Variants in PAN3 observed in about 807,000 individuals in gnomAD.
PAN3 encodes poly(A) specific ribonuclease subunit PAN3.
A neutral mutation model predicts 96.2 loss-of-function variants in PAN3; 19 were observed. That is an observed-to-expected ratio of 0.20 (90% CI 0.14 to 0.29). The LOEUF is 0.29. Among genes scored for constraint, PAN3 ranks in the 10% least tolerant of loss-of-function variants. The pLI, the probability that PAN3 is intolerant of heterozygous loss-of-function variation, is 1.00. For synonymous variants in PAN3, 433 were observed against 406.6 expected (o/e 1.06, Z -0.78); for missense variants, 882 against 1,108.1 (o/e 0.80, Z 2.90).
At position 28,280,556 on chromosome 13, in the gene PAN3, T is replaced by TTA; in HGVS notation, c.2319+16_2319+17insAT. 3 of 235,848 alleles carry TTA rather than the reference T, an allele frequency of 1.3e-5. No homozygotes were observed. The South Asian group carries it at 1.8e-4, about 14-fold the overall frequency. The allele number at this position is 235,848 out of a possible 1,614,324, so 14.6% of individuals were successfully genotyped here. A position where few individuals can be genotyped will look rare whatever the true frequency, so the allele number is the denominator to read the frequency against. On this transcript the variant is annotated intron_variant, in intron 16 of 18. Transcript: ENST00000380958. ...ACCTTGCAAAGGTAAAGAGTGTAAA[T>TTA]TTTTTTTTTTTTTTTTTTTTTTTGA...
chr13:28,142,552 G>A (rs537195951), intron 1 of PAN3, among the ~76,000 whole-genome samples: 5 of 144,652 alleles, frequency 3.5e-5, no homozygotes, highest in African/African-American at 1.3e-4. Context: ...CACAGGCACT[G>A]GCTACCAAGC....
intron 4 of PAN3, among the ~76,000 whole-genome samples, chr13:28,183,410 A>G (rs1298966997): frequency 1.3e-5 from 2 of 152,220 alleles, no homozygotes; most frequent in Admixed American, 1.3e-4. Context: ...CAGAACTATT[A>G]TGCTCTGAAA....
At chr13:28,238,359 G>C (rs1566215535) in intron 6 of PAN3, among the ~76,000 whole-genome samples, 1 of 152,164 alleles carries the variant, frequency 6.6e-6, no homozygotes, top group South Asian at 2.1e-4. Flanking sequence ...CCTTTTGAAA[G>C]GTTGGGAAAG....
At chr13:28,180,535 C>T (rs141144714) in intron 4 of PAN3, among the ~76,000 whole-genome samples, 9 of 152,144 alleles carry the variant, frequency 5.9e-5, no homozygotes, top group East Asian at 1.9e-4. Context: ...GTCTGTTTAA[C>T]GAAGTAATTT....
At chr13:28,141,740 G>A (rs1358875166) in intron 1 of PAN3, among the ~76,000 whole-genome samples, 1 of 152,010 alleles carries the variant, frequency 6.6e-6, no homozygotes, top group East Asian at 1.9e-4. Flanking sequence ...GATTACTGGC[G>A]GGAGCCACCG....
At position 28,177,631 on chromosome 13, in the gene PAN3, G is replaced by A. The variant is rs144481728; in HGVS notation, c.620-234G>A. Among the ~76,000 whole-genome samples the A allele has an allele frequency of 1.7e-3, 262 of 151,928 alleles. 2 individuals are homozygous for A. The highest frequency in any genetic ancestry group is 5.8e-3 in the African/African-American group (241 of 41,444). ...TTTTCTCTTATTTGATTTTTCTTTT[G>A]GTTCTAGTCAAATAGATCTATCCTG... On this transcript the variant is annotated intron_variant, in intron 3 of 18. Transcript: ENST00000380958.
At position 28,277,581 on chromosome 13, in the gene PAN3, A is replaced by G. The variant is rs1887165798; in HGVS notation, c.2189+205A>G. On this transcript the variant is annotated intron_variant, in intron 15 of 18. Transcript: ENST00000380958. ...TAAATTAGTTATTGATGTTTTAAAC[A>G]TTTGGTTAAAGGGCACCCAGTAGAA... 2.0e-5 allele frequency among the ~76,000 whole-genome samples: 3 copies of G among 152,336 alleles called. No homozygotes were observed. The South Asian group carries it at 6.2e-4, about 32-fold the overall frequency.
intron 5 of PAN3, among the ~76,000 whole-genome samples, chr13:28,203,821 TTG>T (rs1879038464): frequency 6.6e-6 from 1 of 151,406 alleles, no homozygotes. Flanking sequence ...TTTTTTTTTT[TTG>T]AGACGGAGTC....
chr13:28,282,018 C>T lies in PAN3; in HGVS notation c.2384+639C>T, dbSNP rs148798467. 3.9e-5 allele frequency among the ~76,000 whole-genome samples: 6 copies of T among 152,266 alleles called. No homozygotes were observed. In the East Asian group the frequency reaches 9.7e-4, roughly 25 times the overall value. On this transcript the variant is annotated intron_variant, in intron 17 of 18. Coordinates refer to ENST00000380958, the MANE Select transcript of PAN3 (RefSeq NM_175854.8). ...CTTGAACTCCTGACTTCAGGTGATC[C>T]ACCTGCCTTGGCCTCCCAAAGTGCT... is the stretch of plus-strand genomic sequence containing the variant.
At chr13:28,288,740 AT>A (rs1189278928) in intron 18 of PAN3, among the ~76,000 whole-genome samples, 12 of 152,160 alleles carry the variant, frequency 7.9e-5, no homozygotes, top group African/African-American at 2.7e-4. Flanking sequence ...AAGCAAAAAA[AT>A]AATTTTGTGT....
intron 5 of PAN3, among the ~76,000 whole-genome samples, chr13:28,213,987 TAA>T (rs1880404693): frequency 6.6e-6 from 1 of 152,182 alleles, no homozygotes; most frequent in Admixed American, 6.5e-5. Flanking sequence ...GTGGATGTAG[TAA>T]AATAGTACAG....
intron 13 of PAN3, among the ~76,000 whole-genome samples, chr13:28,271,574 C>T (rs45492597): frequency 0.01 from 1,556 of 152,152 alleles, 25 homozygotes; most frequent in African/African-American, 0.035. Context: ...AGGTACCCCT[C>T]ATAAAGTTAT....
At chr13:28,144,223 T>G (rs9581998) in intron 1 of PAN3, among the ~76,000 whole-genome samples, 13,212 of 143,682 alleles carry the variant, frequency 0.092, 741 homozygotes, top group African/African-American at 0.16. Context: ...TTTTTTTTTT[T>G]TTTTTTTTTT....
intron 6 of PAN3, among the ~76,000 whole-genome samples, chr13:28,244,379 G>T (rs1883974171): frequency 6.6e-6 from 1 of 152,074 alleles, no homozygotes; most frequent in Non-Finnish European, 1.5e-5. Context: ...ATTTATGTGG[G>T]TGTAATGAAT....
At chr13:28,212,584 A>C (rs1880178265) in intron 5 of PAN3, among the ~76,000 whole-genome samples, 1 of 152,242 alleles carries the variant, frequency 6.6e-6, no homozygotes, top group Non-Finnish European at 1.5e-5. Context: ...ACTGTATTTC[A>C]TATGTTGAGG....
At chr13:28,244,372 T>C (rs1236806898) in intron 6 of PAN3, among the ~76,000 whole-genome samples, 1 of 152,218 alleles carries the variant, frequency 6.6e-6, no homozygotes, top group African/African-American at 2.4e-5. Flanking sequence ...ATGTGAAATT[T>C]ATGTGGGTGT....
chr13:28,179,548 C>T (rs1342659326), intron 4 of PAN3, among the ~76,000 whole-genome samples: 3 of 152,090 alleles, frequency 2.0e-5, no homozygotes, highest in East Asian at 3.9e-4. Flanking sequence ...GACCCCATCT[C>T]TTATAAAAAT....
At chr13:28,201,161 A>C (rs1207092126) in intron 5 of PAN3, among the ~76,000 whole-genome samples, 5 of 150,656 alleles carry the variant, frequency 3.3e-5, no homozygotes, top group Non-Finnish European at 7.4e-5. Flanking sequence ...CAGTCTCCCG[A>C]GTAGCTGGGA....
intron 1 of PAN3, among the ~76,000 whole-genome samples, chr13:28,172,193 C>T (rs1566156268): frequency 2.0e-5 from 3 of 152,150 alleles, no homozygotes; most frequent in African/African-American, 4.8e-5. Flanking sequence ...CGGTGGCTCA[C>T]GCCTGTAATC....
Sources: allele counts gnomAD v4.1 joint callset (sites outside exome capture counted in the v4.1 genomes callset), GRCh38; gene constraint gnomAD v4.1.1; transcripts MANE v1.5; gene names NCBI Gene and HGNC (gene_info 2026-07-23, HGNC 2026-07-21).